FOXP1: variants seen among roughly 807,000 people sequenced by gnomAD.
FOXP1 encodes the protein forkhead box protein P1.
Under a neutral mutation model 98.2 loss-of-function variants are expected in FOXP1, and 15 were observed. That is an observed-to-expected ratio of 0.15 (90% CI 0.10 to 0.24). The LOEUF is 0.24. Ranked by LOEUF, FOXP1 falls within the 10% of genes least tolerant of loss-of-function variation. The pLI is 1.00. For synonymous variants in FOXP1, 371 were observed against 314.5 expected (o/e 1.18, Z -1.90); for missense variants, 633 against 848.5 (o/e 0.75, Z 3.15).
intron 2 of FOXP1, among the ~76,000 whole-genome samples, chr3:71,545,081 T>A (rs1010245991): frequency 2.7e-5 from 4 of 149,392 alleles, no homozygotes; most frequent in Non-Finnish European, 5.9e-5. Flanking sequence ...ACCAGGACCA[T>A]GGGTGGTAAA....
intron 19 of FOXP1, chr3:70,966,393 C>T (rs1164987849): frequency 2.8e-6 from 1 of 355,964 alleles, no homozygotes; most frequent in South Asian, 2.5e-5. Flanking sequence ...TGAATATTTC[C>T]AGATCACAGT....
chr3:71,331,131 GA>G (rs34066604), intron 4 of FOXP1, among the ~76,000 whole-genome samples: 3,796 of 152,328 alleles, frequency 0.025, 58 homozygotes, highest in South Asian at 0.043. Flanking sequence ...GGGAGGTGTG[GA>G]GAGAGAGGTG....
intron 7 of FOXP1, among the ~76,000 whole-genome samples, chr3:71,097,843 G>C (rs940722235): frequency 6.6e-6 from 1 of 152,112 alleles, no homozygotes; most frequent in Non-Finnish European, 1.5e-5. Flanking sequence ...GACTATCCAA[G>C]ACAATTCCAT....
At chr3:71,174,345 G>A (rs934781071) in intron 6 of FOXP1, among the ~76,000 whole-genome samples, 1 of 152,164 alleles carries the variant, frequency 6.6e-6, no homozygotes, top group African/African-American at 2.4e-5. Context: ...GGGTGAGGCA[G>A]GAGATTTGCT....
At position 71,474,896 on chromosome 3, in the gene FOXP1, C is replaced by G. The variant is rs1049650841; in HGVS notation, c.-168+18530G>C. Reference sequence around the variant, plus strand: ...CCCCTCCTCTGGTCCATGGAAAAACCGTCTCCCATGATTCTGGTCCCTGGT... The same window carrying G: ...CCCCTCCTCTGGTCCATGGAAAAACGGTCTCCCATGATTCTGGTCCCTGGT... On this transcript the variant is annotated intron_variant, in intron 3 of 20. Transcript: ENST00000649528. Among the ~76,000 whole-genome samples, 10 of 151,994 alleles carry G rather than the reference C, an allele frequency of 6.6e-5. No individual in the cohort carries two copies. The East Asian group carries it at 1.9e-3, about 29-fold the overall frequency.
In FOXP1 at chr3:71,042,194, C is replaced by T. The variant is rs566535962; in HGVS notation, c.665-662G>A. Among the ~76,000 whole-genome samples, 5 of 152,242 alleles carry T rather than the reference C, an allele frequency of 3.3e-5. No homozygotes were observed. The South Asian group carries it at 1.0e-3, about 32-fold the overall frequency. On this transcript the variant is annotated intron_variant, in intron 10 of 20. Transcript: ENST00000649528. Reference sequence around the variant, plus strand: ...ACTGTGTAACTTTTTATACAAGTAACACTATTATTACTGTCATTTCTTAGA... The same window carrying T: ...ACTGTGTAACTTTTTATACAAGTAATACTATTATTACTGTCATTTCTTAGA...
chr3:71,281,059 A>AAGAAG (rs1553816205), intron 5 of FOXP1, among the ~76,000 whole-genome samples: 3 of 148,336 alleles, frequency 2.0e-5, no homozygotes, highest in African/African-American at 7.6e-5. Context: ...AAAAAAAAAA[A>AAGAAG]AAGAAGAAGA....
chr3:71,121,798 A>T (rs1225757883), intron 6 of FOXP1, among the ~76,000 whole-genome samples: 1 of 152,110 alleles, frequency 6.6e-6, no homozygotes, highest in Non-Finnish European at 1.5e-5. Context: ...GCTGCATCAA[A>T]CTCTTTTTTG....
chr3:71,398,092 G>A (rs1182173270), intron 3 of FOXP1, among the ~76,000 whole-genome samples: 2 of 152,050 alleles, frequency 1.3e-5, no homozygotes, highest in South Asian at 2.1e-4. Context: ...AACACTCTTC[G>A]TACCACTCAT....
chr3:71,255,815 C>T (rs1207954100), intron 5 of FOXP1, among the ~76,000 whole-genome samples: 2 of 151,964 alleles, frequency 1.3e-5, no homozygotes, highest in African/African-American at 2.4e-5. Flanking sequence ...ATCTTTTAGA[C>T]GTTGGAAAAT....
intron 3 of FOXP1, among the ~76,000 whole-genome samples, chr3:71,421,055 C>T (rs182209796): frequency 3.2e-4 from 49 of 152,268 alleles, no homozygotes; most frequent in Admixed American, 5.2e-4. Context: ...CCTAGGATAG[C>T]GTTGAGATGA....
intron 13 of FOXP1, among the ~76,000 whole-genome samples, chr3:70,990,739 G>A (rs902053510): frequency 6.6e-6 from 1 of 152,094 alleles, no homozygotes; most frequent in Non-Finnish European, 1.5e-5. Flanking sequence ...AAATGACAAC[G>A]GCCTAAACAT....
At chr3:71,048,491 G>C (rs1473822014) in intron 9 of FOXP1, among the ~76,000 whole-genome samples, 1 of 152,022 alleles carries the variant, frequency 6.6e-6, no homozygotes, top group East Asian at 1.9e-4. Context: ...CCATGCCACT[G>C]AGAAAGTTAA....
At chr3:71,364,433 G>A (rs193214641) in intron 3 of FOXP1, among the ~76,000 whole-genome samples, 1 of 152,292 alleles carries the variant, frequency 6.6e-6, no homozygotes, top group East Asian at 1.9e-4. Flanking sequence ...CCACTTTACA[G>A]GTAAGAATAC....
chr3:71,431,908 A>G (rs183204707), intron 3 of FOXP1, among the ~76,000 whole-genome samples: 32 of 152,334 alleles, frequency 2.1e-4, no homozygotes, highest in Admixed American at 5.2e-4. Flanking sequence ...TAAAAAGACT[A>G]AATTTAAACA....
intron 2 of FOXP1, among the ~76,000 whole-genome samples, chr3:71,523,838 A>AC (rs1253600161): frequency 6.6e-6 from 1 of 151,638 alleles, no homozygotes; most frequent in Non-Finnish European, 1.5e-5. Context: ...TCCTTCTCTC[A>AC]CCCCCATTTT....
intron 7 of FOXP1, among the ~76,000 whole-genome samples, chr3:71,105,773 GAC>G (rs1559938658): frequency 6.6e-6 from 1 of 151,862 alleles, no homozygotes; most frequent in Non-Finnish European, 1.5e-5. Context: ...CACACACAGA[GAC>G]ACACACGCAC....
chr3:71,257,249 G>T (rs1362003505), intron 5 of FOXP1, among the ~76,000 whole-genome samples: 1 of 152,106 alleles, frequency 6.6e-6, no homozygotes, highest in African/African-American at 2.4e-5. Flanking sequence ...ATTCTTACTA[G>T]TTCTTTGCAA....
intron 6 of FOXP1, among the ~76,000 whole-genome samples, chr3:71,151,660 A>ATT (rs71104420): frequency 0.2 from 28,518 of 140,108 alleles, 3,575 homozygotes; most frequent in East Asian, 0.45. Flanking sequence ...TGTCTAAAAC[A>ATT]TTTTTTTTTT....
Sources: allele counts gnomAD v4.1 joint callset (sites outside exome capture counted in the v4.1 genomes callset), GRCh38; gene constraint gnomAD v4.1.1; transcripts MANE v1.5; gene names NCBI Gene and HGNC (gene_info 2026-07-23, HGNC 2026-07-21).